ADAM12: variants seen among roughly 807,000 people sequenced by gnomAD.
ADAM12 encodes disintegrin and metalloproteinase domain-containing protein 12.
Under a neutral mutation model 106.4 loss-of-function variants are expected in ADAM12, and 70 were observed. The observed-to-expected ratio is 0.66, with a 90% CI of 0.54 to 0.80. The LOEUF (loss-of-function observed/expected upper bound fraction) is 0.80, where lower values mean the gene tolerates loss of function less well. Ranked by LOEUF, ADAM12 falls within the 30% of genes least tolerant of loss-of-function variation. The pLI, the probability that ADAM12 is intolerant of heterozygous loss-of-function variation, is 0.00. For synonymous variants in ADAM12, 420 were observed against 433.5 expected (o/e 0.97, Z 0.39); for missense variants, 1,010 against 1,171.9 (o/e 0.86, Z 2.02).
chr10:126,168,830 A>G (rs1674933), intron 3 of ADAM12, among the ~76,000 whole-genome samples: 14,883 of 152,086 alleles, frequency 0.098, 2,092 homozygotes, highest in African/African-American at 0.31. Context: ...AGGCGGGCGG[A>G]TCACTTGAGG....
Position 126,056,672 on chromosome 10 carries a change from A to T in ADAM12, c.1610-7003T>A, listed in dbSNP as rs1006375577. 1.3e-4 allele frequency among the ~76,000 whole-genome samples: 4 copies of T among 31,866 alleles called. 2 individuals are homozygous for T. Among genetic ancestry groups the T allele is most frequent in the Non-Finnish European group, 3.1e-4 (4 of 13,060 alleles). 20.9% of individuals were successfully genotyped at this position (31,866 alleles called of 152,430 possible). A position where few individuals can be genotyped will look rare whatever the true frequency, so the allele number is the denominator to read the frequency against. ...TGTGTCCATGTGATCTCATTGTTCA[A>T]TTCCCACCTATGAGTGAGAATATGC... On this transcript the variant is annotated intron_variant, in intron 14 of 22. Transcript: ENST00000448723.
At chr10:126,150,915 A>T (rs908944148) in intron 4 of ADAM12, among the ~76,000 whole-genome samples, 18 of 152,204 alleles carry the variant, frequency 1.2e-4, no homozygotes, top group African/African-American at 4.1e-4. Flanking sequence ...ACCCAGATTA[A>T]TGTTACTTCC....
rs998580750 is a variant in ADAM12 at position 126,043,793 on chromosome 10, G to T, written c.1996-645C>A. The stretch of plus-strand genomic sequence containing the variant: ...CCTCCTTCTTGCAGAGGTTCCCAGT[G>T]GCTGTTCCCTGGCTCCCAGTCACGC... On this transcript the variant is annotated intron_variant, in intron 17 of 22. Coordinates refer to ENST00000448723, the MANE Select transcript of ADAM12 (RefSeq NM_001288973.2). This position sits in a 1 kb window ranked among gnomAD's most constrained non-coding sequence, Gnocchi z 4.1. Among the ~76,000 whole-genome samples the T allele has an allele frequency of 4.6e-5, 7 of 152,232 alleles. No individual in the cohort carries two copies. The highest frequency in any genetic ancestry group is 1.0e-4 in the Non-Finnish European group (7 of 68,040).
At position 126,053,352 on chromosome 10, in the gene ADAM12, C is replaced by A. The variant is rs575623836; in HGVS notation, c.1610-3683G>T. 1.8e-4 allele frequency among the ~76,000 whole-genome samples: 27 copies of A among 152,206 alleles called. No homozygotes were observed. Among genetic ancestry groups the A allele is most frequent in the African/African-American group, 6.3e-4 (26 of 41,520 alleles). ...ACAGGGTGTGCTTATGATTGTAATG[C>A]CCCAAATGCTGGTGGAGCAGCACAG... On this transcript the variant is annotated intron_variant, in intron 14 of 22. Coordinates refer to ENST00000448723, the MANE Select transcript of ADAM12 (RefSeq NM_001288973.2). This position sits in a 1 kb window ranked among gnomAD's most constrained non-coding sequence, Gnocchi z 4.6.
At chr10:126,082,151 C>G (rs1469417265) in intron 11 of ADAM12, among the ~76,000 whole-genome samples, 1 of 152,098 alleles carries the variant, frequency 6.6e-6, no homozygotes, top group Non-Finnish European at 1.5e-5. Context: ...ACAAAAACGC[C>G]ATTTAGATGG....
intron 3 of ADAM12, among the ~76,000 whole-genome samples, chr10:126,276,288 T>C (rs896903129): frequency 6.6e-6 from 1 of 152,208 alleles, no homozygotes; most frequent in Admixed American, 6.5e-5. Context: ...TGGTCTCTGC[T>C]TATATTTTTA....
At chr10:126,371,399 T>C (rs1856110382) in intron 1 of ADAM12, among the ~76,000 whole-genome samples, 1 of 152,234 alleles carries the variant, frequency 6.6e-6, no homozygotes, top group Non-Finnish European at 1.5e-5. Context: ...AGAAAATTCA[T>C]TTGCTGCTGT....
chr10:126,340,835 G>A (rs1401843081), intron 1 of ADAM12, among the ~76,000 whole-genome samples: 1 of 151,576 alleles, frequency 6.6e-6, no homozygotes, highest in Non-Finnish European at 1.5e-5. Context: ...CTCTGCCTCA[G>A]CCTCCCGAGT....
chr10:126,222,849 GCTGCTTT>G (rs1958121005), intron 3 of ADAM12, among the ~76,000 whole-genome samples: 1 of 152,096 alleles, frequency 6.6e-6, no homozygotes, highest in African/African-American at 2.4e-5. Flanking sequence ...CTCATCCCAA[GCTGCTTT>G]CTGACTCTCC....
intron 3 of ADAM12, among the ~76,000 whole-genome samples, chr10:126,241,655 C>T (rs74576733): frequency 0.062 from 9,418 of 152,280 alleles, 379 homozygotes; most frequent in Admixed American, 0.11. Context: ...GCTGATTTGC[C>T]ACTTAATAGC....
At chr10:126,107,956 C>G (rs563862845) in intron 8 of ADAM12, among the ~76,000 whole-genome samples, 1 of 152,128 alleles carries the variant, frequency 6.6e-6, no homozygotes, top group Non-Finnish European at 1.5e-5. Flanking sequence ...TTTGCCGGCC[C>G]GCAGTGTGAG....
chr10:126,093,936 A>G, intron 11 of ADAM12, 49 bp downstream of exon 11: 2 of 1,603,026 alleles, frequency 1.2e-6, no homozygotes, highest in Non-Finnish European at 1.7e-6. Context: ...CCCAACACAC[A>G]CTTCAAGCCA....
At chr10:126,075,713 G>A (rs909130793) in intron 11 of ADAM12, among the ~76,000 whole-genome samples, 4 of 152,138 alleles carry the variant, frequency 2.6e-5, no homozygotes, top group Admixed American at 6.5e-5. Context: ...TCTGCAGACA[G>A]GACTGGCCTG....
rs77788333 is a variant in ADAM12, at chr10:126,043,631, C to G, written c.1996-483G>C. On this transcript the variant is annotated intron_variant, in intron 17 of 22. Coordinates refer to ENST00000448723, the MANE Select transcript of ADAM12 (RefSeq NM_001288973.2). The surrounding 1 kb of genome is among the most constrained non-coding windows in gnomAD (Gnocchi z 4.1). ...AGAGGCTGGTGACTGCCGGGTCCCA[C>G]GCCAGGCTGGGGTCCGAGGCAGGCC... 6.6e-6 allele frequency among the ~76,000 whole-genome samples: 1 copy of G among 152,154 alleles called. No homozygotes were observed. The highest frequency in any genetic ancestry group is 1.5e-5 in the Non-Finnish European group (1 of 68,030).
At chr10:126,267,125 C>G (rs562343197) in intron 3 of ADAM12, among the ~76,000 whole-genome samples, 1 of 152,314 alleles carries the variant, frequency 6.6e-6, no homozygotes, top group South Asian at 2.1e-4. Context: ...TGTCAATCAT[C>G]TCCTCTGATA....
intron 2 of ADAM12, among the ~76,000 whole-genome samples, chr10:126,295,929 A>ACG (rs1565197323): frequency 6.6e-6 from 1 of 151,268 alleles, no homozygotes; most frequent in Non-Finnish European, 1.5e-5. Context: ...ACACACACAC[A>ACG]TAAACACACA....
At chr10:126,251,693 GGGATGGATGGATAGGAT>G (rs1958764837) in intron 3 of ADAM12, among the ~76,000 whole-genome samples, 2 of 150,678 alleles carry the variant, frequency 1.3e-5, no homozygotes. Flanking sequence ...GAGGATGGAT[GGGATGGATGGATAGGAT>G]GGATGGATAG....
At chr10:126,155,635 A>T (rs1293311433) in intron 3 of ADAM12, among the ~76,000 whole-genome samples, 6 of 152,140 alleles carry the variant, frequency 3.9e-5, no homozygotes, top group Non-Finnish European at 1.5e-5. Flanking sequence ...TGTCACACAC[A>T]TATACTCTTC....
intron 6 of ADAM12, among the ~76,000 whole-genome samples, chr10:126,113,720 AT>A (rs1565067793): frequency 0.082 from 4,968 of 60,456 alleles, 626 homozygotes; most frequent in Non-Finnish European, 0.091. Context: ...ATATATATAT[AT>A]ATATATATAT....
Sources: gnomAD v4.1 joint callset for allele counts (sites outside exome capture counted in the v4.1 genomes callset) on GRCh38, gnomAD v4.1.1 for gene constraint, Gnocchi (gnomAD v3.1) non-coding constraint, MANE v1.5 for transcripts, NCBI Gene and HGNC (gene_info 2026-07-23, HGNC 2026-07-21) for gene names.